The following CLEC16A variants were observed in gnomAD, a reference collection of about 807,000 sequenced individuals.
The protein encoded by CLEC16A is protein CLEC16A.
In CLEC16A, 51 loss-of-function variants were observed where a neutral mutation model predicts 109.5. The observed-to-expected ratio is 0.47, with a 90% CI of 0.37 to 0.59. The LOEUF is 0.59. CLEC16A is among the 20% of genes least tolerant of loss of function. The pLI is 0.00. For missense variants in CLEC16A, 1,339 were observed against 1,394.0 expected (o/e 0.96, Z 0.63); for synonymous variants, 673 against 564.2 (o/e 1.19, Z -2.73).
At chr16:11,021,174 A>G (rs1360311842) in intron 12 of CLEC16A, among the ~76,000 whole-genome samples, 1 of 152,204 alleles carries the variant, frequency 6.6e-6, no homozygotes, top group African/African-American at 2.4e-5. Flanking sequence ...TGAAGATGTG[A>G]AGTCCACTAA....
At chr16:11,126,376 G>A in intron 22 of CLEC16A, 1 of 1,442,684 alleles carries the variant, frequency 6.9e-7, no homozygotes, top group Non-Finnish European at 9.1e-7. Context: ...AGATTTGTTG[G>A]GTATGTGGAA....
intron 22 of CLEC16A, among the ~76,000 whole-genome samples, chr16:11,127,839 C>T (rs2052936239): frequency 1.3e-5 from 2 of 152,258 alleles, no homozygotes; most frequent in South Asian, 2.1e-4. Flanking sequence ...CATTGCCCTC[C>T]AGCCTGGGCA....
intron 18 of CLEC16A, among the ~76,000 whole-genome samples, chr16:11,055,651 G>T (rs147934405): frequency 4.3e-3 from 535 of 125,426 alleles, no homozygotes; most frequent in African/African-American, 0.015. Flanking sequence ...GCAGTGGCAT[G>T]ATCTCGGCTC....
chr16:11,131,117 TGCGTGCGCCTG>T (rs2053178408), intron 22 of CLEC16A, among the ~76,000 whole-genome samples: 1 of 152,086 alleles, frequency 6.6e-6, no homozygotes, highest in Admixed American at 6.5e-5. Context: ...CGAGGGATTG[TGCGTGCGCCTG>T]GCCAAGGAGG....
chr16:11,177,672 A>G (rs946248686), intron 23 of CLEC16A, among the ~76,000 whole-genome samples: 2 of 151,258 alleles, frequency 1.3e-5, no homozygotes, highest in East Asian at 1.9e-4. Flanking sequence ...GTGGAACCTC[A>G]CCTGCCTTGT....
At chr16:11,121,089 A>T (rs928434435) in intron 20 of CLEC16A, among the ~76,000 whole-genome samples, 3 of 152,230 alleles carry the variant, frequency 2.0e-5, no homozygotes, top group African/African-American at 7.2e-5. Flanking sequence ...TACTATTTTT[A>T]AAAATTATAT....
At chr16:11,026,145 CTCTTG>C (rs1157472140) in intron 13 of CLEC16A, among the ~76,000 whole-genome samples, 7 of 152,192 alleles carry the variant, frequency 4.6e-5, no homozygotes, top group South Asian at 4.1e-4. Context: ...TCTTGTAATT[CTCTTG>C]TCTGGTTTTG....
intron 19 of CLEC16A, among the ~76,000 whole-genome samples, chr16:11,094,379 C>G (rs1351497836): frequency 6.6e-6 from 1 of 152,200 alleles, no homozygotes; most frequent in Admixed American, 6.5e-5. Context: ...AGTAAACCTT[C>G]TGGAAGCCAG....
intron 22 of CLEC16A, chr16:11,126,372 G>T: frequency 6.9e-7 from 1 of 1,447,434 alleles, no homozygotes; most frequent in South Asian, 1.5e-5. Flanking sequence ...CCAGAGATTT[G>T]TTGGGTATGT....
chr16:11,040,934 A>G (rs2047301443), intron 14 of CLEC16A: 2 of 152,140 alleles, frequency 1.3e-5, no homozygotes, highest in African/African-American at 4.8e-5. Context: ...GTTTTTTCCC[A>G]GTGACCTATC....
At position 10,971,315 on chromosome 16, in the gene CLEC16A, C is replaced by T. The variant is rs2146358275; in HGVS notation, c.598+85C>T. ...TCCCGTGTGTGTGCGTACAGTTCTC[C>T]GATTGTCACGAGGGAGCACATTGAT... is the stretch of plus-strand genomic sequence containing the variant. On this transcript the variant is annotated intron_variant, in intron 5 of 23. Transcript: ENST00000409790. 5 of 1,003,924 alleles carry T rather than the reference C, an allele frequency of 5.0e-6. 1 individual carries two copies. In the South Asian group the frequency reaches 6.0e-5, roughly 12 times the overall value. 62.2% of individuals were successfully genotyped at this position (1,003,924 alleles called of 1,614,324 possible).
At chr16:11,144,395 T>C (rs2053967817) in intron 22 of CLEC16A, among the ~76,000 whole-genome samples, 2 of 152,066 alleles carry the variant, frequency 1.3e-5, no homozygotes, top group South Asian at 2.1e-4. Context: ...TCATTCTCCG[T>C]CCTGTACCTC....
intron 1 of CLEC16A, among the ~76,000 whole-genome samples, chr16:10,948,998 G>A (rs753755042): frequency 2.6e-5 from 4 of 152,186 alleles, no homozygotes; most frequent in South Asian, 4.1e-4. Flanking sequence ...AAGGTATAGG[G>A]GGATCTGATT....
intron 3 of CLEC16A, among the ~76,000 whole-genome samples, chr16:10,963,212 G>A (rs555359774): frequency 6.6e-6 from 1 of 152,302 alleles, no homozygotes; most frequent in East Asian, 1.9e-4. Flanking sequence ...GCTAGCTGGT[G>A]TCTCTTCCTC....
intron 19 of CLEC16A, among the ~76,000 whole-genome samples, chr16:11,103,519 G>A (rs1196602743): frequency 6.6e-6 from 1 of 152,170 alleles, no homozygotes; most frequent in Non-Finnish European, 1.5e-5. Context: ...GGTGGAGGTT[G>A]CAATAAGCCA....
chr16:11,162,585 G>A (rs1049389617), intron 22 of CLEC16A, among the ~76,000 whole-genome samples: 2 of 152,214 alleles, frequency 1.3e-5, no homozygotes, highest in African/African-American at 2.4e-5. Context: ...TCTGGACAAG[G>A]GGGAAAGAGA....
At chr16:11,058,516 A>C (rs1165602953) in intron 18 of CLEC16A, among the ~76,000 whole-genome samples, 1 of 147,318 alleles carries the variant, frequency 6.8e-6, no homozygotes, top group African/African-American at 2.6e-5. Flanking sequence ...TTGAGTACAG[A>C]TGCAACCCTT....
At chr16:11,167,516 G>A (rs1232192969) in intron 23 of CLEC16A, among the ~76,000 whole-genome samples, 1 of 152,112 alleles carries the variant, frequency 6.6e-6, no homozygotes, top group Non-Finnish European at 1.5e-5. Flanking sequence ...AGGGCCCTTG[G>A]TCACCATCCT....
At chr16:10,985,794 T>C (rs2043608143) in intron 10 of CLEC16A, among the ~76,000 whole-genome samples, 1 of 151,288 alleles carries the variant, frequency 6.6e-6, no homozygotes. Flanking sequence ...CTCGGCTCAC[T>C]GCAGCCTCTG....
Sources: allele counts gnomAD v4.1 joint callset (sites outside exome capture counted in the v4.1 genomes callset), GRCh38; gene constraint gnomAD v4.1.1; transcripts MANE v1.5; gene names NCBI Gene and HGNC (gene_info 2026-07-23, HGNC 2026-07-21).